The following AGBL4 variants were observed in gnomAD, a reference collection of about 807,000 sequenced individuals.
The protein encoded by AGBL4 is cytosolic carboxypeptidase 6.
Under a neutral mutation model 66.4 loss-of-function variants are expected in AGBL4, and 58 were observed. That is an observed-to-expected ratio of 0.87 (90% CI 0.71 to 1.09). The LOEUF is 1.09. Among genes scored for constraint, AGBL4 ranks in the 50% least tolerant of loss-of-function variants. The pLI is 0.00. For synonymous variants in AGBL4, 234 were observed against 222.9 expected (o/e 1.05, Z -0.44); for missense variants, 579 against 631.0 (o/e 0.92, Z 0.88).
At chr1:48,676,382 C>T (rs775981391) in intron 6 of AGBL4, among the ~76,000 whole-genome samples, 3 of 152,236 alleles carry the variant, frequency 2.0e-5, no homozygotes, top group East Asian at 1.9e-4. Flanking sequence ...CAGGCACAAG[C>T]GCAGTGACTG....
At chr1:49,574,117 G>A (rs977508964) in intron 3 of AGBL4, among the ~76,000 whole-genome samples, 1 of 152,174 alleles carries the variant, frequency 6.6e-6, no homozygotes, top group Non-Finnish European at 1.5e-5. Context: ...GGCCCCTAGA[G>A]GTAAGGGTGA....
intron 5 of AGBL4, among the ~76,000 whole-genome samples, chr1:48,984,732 C>T (rs145680466): frequency 6.6e-6 from 1 of 151,790 alleles, no homozygotes; most frequent in Non-Finnish European, 1.5e-5. Flanking sequence ...TAGGGAGATG[C>T]AAGGCTTATA....
At chr1:48,758,688 T>G (rs758266067) in intron 6 of AGBL4, among the ~76,000 whole-genome samples, 14 of 152,334 alleles carry the variant, frequency 9.2e-5, no homozygotes, top group Admixed American at 2.6e-4. Flanking sequence ...TCGCCAATGT[T>G]CCCATAGCTG....
intron 3 of AGBL4, among the ~76,000 whole-genome samples, chr1:49,284,841 C>T (rs1183720066): frequency 6.6e-6 from 1 of 150,698 alleles, no homozygotes; most frequent in Non-Finnish European, 1.5e-5. Flanking sequence ...AATATATATG[C>T]ACCCAATACA....
intron 2 of AGBL4, among the ~76,000 whole-genome samples, chr1:49,743,713 C>T (rs1188750829): frequency 2.0e-5 from 3 of 152,084 alleles, no homozygotes; most frequent in Non-Finnish European, 2.9e-5. Context: ...CCATGGAATA[C>T]TATGAAGCCA....
intron 2 of AGBL4, among the ~76,000 whole-genome samples, chr1:49,824,450 T>C (rs1454314985): frequency 6.6e-6 from 1 of 152,194 alleles, no homozygotes; most frequent in African/African-American, 2.4e-5. Context: ...ATGAATGAGA[T>C]ATGGCATTTG....
intron 3 of AGBL4, among the ~76,000 whole-genome samples, chr1:49,530,113 A>T (rs1650977524): frequency 6.6e-6 from 1 of 151,934 alleles, no homozygotes; most frequent in East Asian, 1.9e-4. Flanking sequence ...AACATTTCTA[A>T]GAGACTTGAC....
chr1:49,993,118 T>TA (rs1391200893), intron 1 of AGBL4, among the ~76,000 whole-genome samples: 1 of 152,218 alleles, frequency 6.6e-6, no homozygotes, highest in Non-Finnish European at 1.5e-5. Flanking sequence ...CACTGGTTGA[T>TA]ATGAATACAC....
In AGBL4 at chr1:48,736,180, CATTCTTGACAGAGT is replaced by C. The variant is rs1649015704; in HGVS notation, c.635-72953_635-72940del. 6.5e-7 allele frequency: 1 copy of C among 1,536,726 alleles called. No individual in the cohort carries two copies. The highest frequency in any genetic ancestry group is 1.1e-5 in the South Asian group (1 of 89,234). On this transcript the variant is annotated intron_variant, in intron 6 of 13. Coordinates refer to ENST00000371839, the MANE Select transcript of AGBL4 (RefSeq NM_032785.4). This position sits in a 1 kb window ranked among gnomAD's most constrained non-coding sequence, Gnocchi z 4.0. ...TCGTTGAATTGAATTGTGCCTAACACATTCTTGACAGAGTAAAAGACAGAATCCCAGCCATTGTG... is the reference window on the plus strand; with the variant it reads ...TCGTTGAATTGAATTGTGCCTAACACAAAAGACAGAATCCCAGCCATTGTG...
intron 3 of AGBL4, among the ~76,000 whole-genome samples, chr1:49,438,829 C>G (rs1346639569): frequency 6.6e-6 from 1 of 152,028 alleles, no homozygotes; most frequent in Non-Finnish European, 1.5e-5. Flanking sequence ...GAGTAATTTG[C>G]AATAAACAGA....
intron 1 of AGBL4, among the ~76,000 whole-genome samples, chr1:49,993,526 T>C (rs1035716860): frequency 6.6e-6 from 1 of 152,206 alleles, no homozygotes; most frequent in Admixed American, 6.5e-5. Context: ...ACCCTTTTCC[T>C]TTCCCTTCTC....
At chr1:49,278,159 A>G (rs7546830) in intron 3 of AGBL4, among the ~76,000 whole-genome samples, 78,733 of 151,976 alleles carry the variant, frequency 0.52, 21,676 homozygotes, top group Non-Finnish European at 0.62. Context: ...ATTTGACTCT[A>G]AAGCTGTAGC....
chr1:49,362,338 G>T (rs1644154881), intron 3 of AGBL4, among the ~76,000 whole-genome samples: 1 of 149,452 alleles, frequency 6.7e-6, no homozygotes, highest in Middle Eastern at 3.5e-3. Flanking sequence ...GAAGCAAGAA[G>T]TAAGCATCAG....
chr1:49,310,842 A>G (rs1305372134), intron 3 of AGBL4, among the ~76,000 whole-genome samples: 1 of 152,086 alleles, frequency 6.6e-6, no homozygotes, highest in Non-Finnish European at 1.5e-5. Context: ...TGTAGTACAC[A>G]ATATTAATAT....
At chr1:49,048,976 C>A (rs1312678226) in intron 4 of AGBL4, among the ~76,000 whole-genome samples, 3 of 152,038 alleles carry the variant, frequency 2.0e-5, no homozygotes, top group Non-Finnish European at 2.9e-5. Context: ...CCAGAAAAAC[C>A]TGATTTTATA....
At chr1:49,351,148 C>G (rs1295444283) in intron 3 of AGBL4, among the ~76,000 whole-genome samples, 1 of 152,158 alleles carries the variant, frequency 6.6e-6, no homozygotes, top group African/African-American at 2.4e-5. Context: ...TTCTGTCCAT[C>G]TAAGTGGGTG....
At chr1:49,644,473 T>C (rs1473234196) in intron 3 of AGBL4, among the ~76,000 whole-genome samples, 1 of 151,738 alleles carries the variant, frequency 6.6e-6, no homozygotes, top group East Asian at 1.9e-4. Flanking sequence ...TTTACCATTC[T>C]AACACTTACT....
chr1:48,705,050 C>T (rs1646861231), intron 6 of AGBL4, among the ~76,000 whole-genome samples: 1 of 152,176 alleles, frequency 6.6e-6, no homozygotes, highest in Admixed American at 6.5e-5. Context: ...AATTTTTCAG[C>T]TCCATTATAA....
rs1020803493 is a variant in AGBL4 at position 48,896,141 on chromosome 1, C to T, written c.595-28911G>A. ...GGCAAAGCACCCTGCTATTATTAAA[C>T]ATCTCCTTTCATTTTCCAGGCCCCT... On this transcript the variant is annotated intron_variant, in intron 5 of 13. Transcript: ENST00000371839. Among the ~76,000 whole-genome samples the T allele has an allele frequency of 2.6e-5, 4 of 151,914 alleles. No individual in the cohort carries two copies. In the East Asian group the frequency reaches 5.8e-4, roughly 22 times the overall value.
Sources: allele counts gnomAD v4.1 joint callset (sites outside exome capture counted in the v4.1 genomes callset), GRCh38; gene constraint gnomAD v4.1.1; non-coding constraint Gnocchi (gnomAD v3.1); transcripts MANE v1.5; gene names NCBI Gene and HGNC (gene_info 2026-07-23, HGNC 2026-07-21).